The following PRKG1 variants were observed in gnomAD, a reference collection of about 807,000 sequenced individuals.
PRKG1 encodes protein kinase cGMP-dependent 1.
A neutral mutation model predicts 88.1 loss-of-function variants in PRKG1; 35 were observed. The ratio of observed to expected loss-of-function variants is 0.40; its 90% CI spans 0.30 to 0.53. The LOEUF (loss-of-function observed/expected upper bound fraction) is 0.53. Among genes scored for constraint, PRKG1 ranks in the 20% least tolerant of loss-of-function variants. The pLI, the probability that PRKG1 is intolerant of heterozygous loss-of-function variation, is 0.59. For synonymous variants in PRKG1, 303 were observed against 292.5 expected, an observed-to-expected ratio of 1.04 and a Z score of -0.37; for missense variants, 540 against 839.8, an observed-to-expected ratio of 0.64 and a Z score of 4.41.
At chr10:52,134,024 A>C in intron 8 of PRKG1, 119 bp downstream of exon 8, 2 of 775,714 alleles carry the variant, frequency 2.6e-6, no homozygotes, top group Non-Finnish European at 4.0e-6. Flanking sequence ...TTTCATTTTT[A>C]AATGAATTCT....
At chr10:51,208,164 C>T (rs1028785593) in intron 2 of PRKG1, among the ~76,000 whole-genome samples, 2 of 152,120 alleles carry the variant, frequency 1.3e-5, no homozygotes, top group African/African-American at 4.8e-5. Flanking sequence ...AAGGTACAGT[C>T]TTTGTCCATT....
intron 3 of PRKG1, among the ~76,000 whole-genome samples, chr10:51,742,791 C>A (rs932327169): frequency 2.0e-5 from 3 of 151,952 alleles, no homozygotes; most frequent in Non-Finnish European, 4.4e-5. Context: ...GTAAATGAAG[C>A]CATGAGTATG....
At chr10:51,685,912 C>T (rs1424990144) in intron 3 of PRKG1, among the ~76,000 whole-genome samples, 1 of 152,118 alleles carries the variant, frequency 6.6e-6, no homozygotes, top group Admixed American at 6.5e-5. Context: ...ACTCTTCAGC[C>T]CTGGTCATTT....
intron 5 of PRKG1, among the ~76,000 whole-genome samples, chr10:52,038,947 T>C (rs1845686485): frequency 6.6e-6 from 1 of 151,636 alleles, no homozygotes; most frequent in Admixed American, 6.6e-5. Context: ...GAGAAGAGAG[T>C]AAGAAGAGGC....
intron 5 of PRKG1, among the ~76,000 whole-genome samples, chr10:52,011,379 G>A (rs10823952): frequency 0.24 from 36,119 of 152,008 alleles, 4,800 homozygotes; most frequent in Admixed American, 0.31. Context: ...ATGTGTCAGT[G>A]GTCAGAAGGA....
intron 2 of PRKG1, among the ~76,000 whole-genome samples, chr10:51,300,330 A>T (rs186878633): frequency 1.3e-5 from 2 of 152,238 alleles, no homozygotes; most frequent in Admixed American, 1.3e-4. Flanking sequence ...ATTCACATCT[A>T]CTTCTTGTGG....
At chr10:51,264,682 G>C (rs1839795484) in intron 2 of PRKG1, among the ~76,000 whole-genome samples, 1 of 152,036 alleles carries the variant, frequency 6.6e-6, no homozygotes, top group Non-Finnish European at 1.5e-5. Context: ...ATATGGCATG[G>C]GTGTATGTTT....
At chr10:51,741,697 A>G (rs1183922151) in intron 3 of PRKG1, among the ~76,000 whole-genome samples, 1 of 151,370 alleles carries the variant, frequency 6.6e-6, no homozygotes, top group East Asian at 2.0e-4. Context: ...GAATATGGCT[A>G]GGAGTTTTGG....
At chr10:51,509,645 G>T (rs1378885544) in intron 3 of PRKG1, among the ~76,000 whole-genome samples, 1 of 152,124 alleles carries the variant, frequency 6.6e-6, no homozygotes, top group Non-Finnish European at 1.5e-5. Flanking sequence ...CAAAAGGCTG[G>T]ATTACAGGCA....
chr10:51,222,663 C>T (rs1838573296), intron 2 of PRKG1, among the ~76,000 whole-genome samples: 2 of 152,026 alleles, frequency 1.3e-5, no homozygotes, highest in South Asian at 4.2e-4. Flanking sequence ...AGTCTCATGG[C>T]TTTATGGTTC....
At chr10:52,005,583 A>T (rs1177637617) in intron 5 of PRKG1, among the ~76,000 whole-genome samples, 1 of 152,154 alleles carries the variant, frequency 6.6e-6, no homozygotes, top group Non-Finnish European at 1.5e-5. Flanking sequence ...TTGTCCCAGT[A>T]AGCACATGGA....
intron 4 of PRKG1, among the ~76,000 whole-genome samples, chr10:51,877,642 A>T (rs1841332137): frequency 6.6e-6 from 1 of 152,212 alleles, no homozygotes. Context: ...ACCACCGAAC[A>T]TCTTTCCATA....
chr10:52,078,862 A>G (rs144255431), intron 7 of PRKG1, among the ~76,000 whole-genome samples: 120 of 152,328 alleles, frequency 7.9e-4, no homozygotes, highest in African/African-American at 2.6e-3. Flanking sequence ...AATGGGAAAT[A>G]ATTTTTACAA....
chr10:51,473,958 A>G (rs1469250076), intron 3 of PRKG1, among the ~76,000 whole-genome samples: 2 of 151,962 alleles, frequency 1.3e-5, no homozygotes, highest in African/African-American at 2.4e-5. Flanking sequence ...AAAGTAAACT[A>G]GTAACATAGG....
intron 3 of PRKG1, among the ~76,000 whole-genome samples, chr10:51,556,570 G>A (rs1217037062): frequency 6.6e-6 from 1 of 151,948 alleles, no homozygotes; most frequent in African/African-American, 2.4e-5. Context: ...GTTCCTTGCA[G>A]CAATATGGAT....
rs376743999 is a variant in PRKG1, at chr10:51,034,037, A to G, written c.266+42393A>G. Among the ~76,000 whole-genome samples, 62 of 152,322 alleles carry G rather than the reference A, an allele frequency of 4.1e-4. 2 individuals carry two copies. The South Asian group carries it at 0.012, about 30-fold the overall frequency. On this transcript the variant is annotated intron_variant, in intron 1 of 17. Transcript: ENST00000401604. ...ATGCCTCTAGATGATTAGAATTCAAATGATTAGAATTCAGATAGAAGAAAA... is the reference window on the plus strand; with the variant it reads ...ATGCCTCTAGATGATTAGAATTCAAGTGATTAGAATTCAGATAGAAGAAAA...
At chr10:51,271,330 T>G (rs1839975072) in intron 2 of PRKG1, among the ~76,000 whole-genome samples, 1 of 152,178 alleles carries the variant, frequency 6.6e-6, no homozygotes, top group Admixed American at 6.5e-5. Flanking sequence ...AAGTGTTTAG[T>G]TCCATCTGTT....
At chr10:51,535,877 C>T (rs1192135343) in intron 3 of PRKG1, among the ~76,000 whole-genome samples, 1 of 151,912 alleles carries the variant, frequency 6.6e-6, no homozygotes, top group African/African-American at 2.4e-5. Flanking sequence ...CTCATGACAC[C>T]ATGCCCAGTT....
In PRKG1 at chr10:51,074,488, C is replaced by G. The variant is rs1428737818; in HGVS notation, c.-103C>G. ...TGGTCTCAAGTAGGAAGCTTTGGCA[C>G]TCGGGAGGCAGCGGCGACTTTGGGG... is the stretch of plus-strand genomic sequence containing the variant. On this transcript the variant is annotated 5_prime_UTR_variant, in exon 1 of 18. Coordinates refer to ENST00000373980, the MANE Select transcript of PRKG1 (RefSeq NM_006258.4). The G allele has an allele frequency of 3.4e-6, 5 of 1,484,508 alleles. No homozygotes were observed. The East Asian group carries it at 1.2e-4, about 37-fold the overall frequency. 92.0% of individuals were successfully genotyped at this position (1,484,508 alleles called of 1,614,324 possible).
Sources: allele counts gnomAD v4.1 joint callset (sites outside exome capture counted in the v4.1 genomes callset), GRCh38; gene constraint gnomAD v4.1.1; transcripts MANE v1.5; gene names NCBI Gene and HGNC (gene_info 2026-07-23, HGNC 2026-07-21).